Variants in OSBPL1A observed in about 807,000 individuals in gnomAD.
The protein encoded by OSBPL1A is oxysterol-binding protein-related protein 1.
Under a neutral mutation model 137.1 loss-of-function variants are expected in OSBPL1A, and 80 were observed. That is an observed-to-expected ratio of 0.58 (90% CI 0.49 to 0.70). The LOEUF (loss-of-function observed/expected upper bound fraction) is 0.70, where lower values mean the gene tolerates loss of function less well. Ranked by LOEUF, OSBPL1A falls within the 30% of genes least tolerant of loss-of-function variation. The probability of loss-of-function intolerance (pLI) is 0.00; values close to 1 mark genes in which losing one functional copy is unlikely to be tolerated. For missense variants in OSBPL1A, 970 were observed against 1,129.4 expected, an observed-to-expected ratio of 0.86 and a Z score of 2.02; for synonymous variants, 365 against 389.7, an observed-to-expected ratio of 0.94 and a Z score of 0.75.
chr18:24,195,709 C>T (rs1225024533), intron 18 of OSBPL1A, among the ~76,000 whole-genome samples: 3 of 152,180 alleles, frequency 2.0e-5, no homozygotes. Flanking sequence ...GATAACTAAG[C>T]AGAGACATAT....
Position 24,163,125 on chromosome 18 carries a change from C to A in OSBPL1A, c.*54G>T. The A allele has an allele frequency of 7.5e-7, 1 of 1,331,958 alleles. No homozygotes were observed. The highest frequency in any genetic ancestry group is 1.0e-6 in the Non-Finnish European group (1 of 958,432). The allele number at this position is 1,331,958 out of a possible 1,614,324, so 82.5% of individuals were successfully genotyped here. ...AAACCAAGGGAAAAAAATTTAAAAA[C>A]ATAGGTTTAAGACTTATTTGTAGAT... On this transcript the variant is annotated 3_prime_UTR_variant, in exon 28 of 28. Transcript: ENST00000319481.
chr18:24,389,944 AAAAATAAAAT>A (rs563541918), intron 1 of OSBPL1A, among the ~76,000 whole-genome samples: 3 of 152,152 alleles, frequency 2.0e-5, no homozygotes, highest in Admixed American at 6.5e-5. Context: ...TCTGTCTCAA[AAAAATAAAAT>A]AAAATAAAAT....
chr18:24,228,299 A>AC (rs1423613343), intron 16 of OSBPL1A, among the ~76,000 whole-genome samples: 1 of 56,074 alleles, frequency 1.8e-5, no homozygotes, highest in Non-Finnish European at 3.5e-5. Flanking sequence ...CCCTCCCCTC[A>AC]CCCCCCTCCT....
intron 5 of OSBPL1A, among the ~76,000 whole-genome samples, chr18:24,338,302 G>C (rs945758818): frequency 1.3e-5 from 2 of 150,756 alleles, no homozygotes; most frequent in Non-Finnish European, 2.9e-5. Context: ...GGATGGTCTC[G>C]ATCTCCTGAC....
At chr18:24,345,172 G>A (rs1056633293) in intron 4 of OSBPL1A, among the ~76,000 whole-genome samples, 6 of 151,964 alleles carry the variant, frequency 3.9e-5, no homozygotes, top group African/African-American at 1.2e-4. Context: ...ATAATGAAGG[G>A]TAAGGGGGAA....
intron 13 of OSBPL1A, among the ~76,000 whole-genome samples, chr18:24,306,779 C>A (rs1269695761): frequency 1.3e-5 from 2 of 152,158 alleles, no homozygotes; most frequent in Non-Finnish European, 2.9e-5. Context: ...AAATTGAAGA[C>A]ATAAAGTGAA....
At chr18:24,174,229 C>T (rs1320390272) in intron 21 of OSBPL1A, among the ~76,000 whole-genome samples, 7 of 152,136 alleles carry the variant, frequency 4.6e-5, no homozygotes, top group Admixed American at 4.6e-4. Context: ...GTTTCCATTT[C>T]TCTAAGGCAA....
At chr18:24,250,675 A>G (rs984778205) in intron 15 of OSBPL1A, among the ~76,000 whole-genome samples, 3 of 152,186 alleles carry the variant, frequency 2.0e-5, no homozygotes, top group Non-Finnish European at 4.4e-5. Flanking sequence ...CACCCAACAC[A>G]TTACCAGCTG....
intron 11 of OSBPL1A, among the ~76,000 whole-genome samples, chr18:24,314,916 C>T (rs1055535620): frequency 6.6e-6 from 1 of 152,144 alleles, no homozygotes; most frequent in African/African-American, 2.4e-5. Flanking sequence ...ATATAAATAA[C>T]TCCCACAAGC....
At chr18:24,318,894 CT>C in intron 7 of OSBPL1A, 85 bp from the exon 8 acceptor site, 1 of 1,083,742 alleles carries the variant, frequency 9.2e-7, no homozygotes, top group Non-Finnish European at 1.4e-6. Context: ...TCTAATAGTC[CT>C]TCATTTTTCT....
chr18:24,385,586 G>A lies in OSBPL1A; in HGVS notation c.-2-8051C>T, dbSNP rs148252843. 1.1e-3 allele frequency among the ~76,000 whole-genome samples: 175 copies of A among 152,238 alleles called. 2 individuals carry two copies. In the East Asian group the frequency reaches 0.033, roughly 29 times the overall value. ...GGGGACACAGAAGAGGGTGGCAGCA[G>A]CTGAAACCAAGGGAGGAATGTGTTT... On this transcript the variant is annotated intron_variant, in intron 1 of 27. Transcript: ENST00000319481.
chr18:24,197,225 T>C (rs2087060157), intron 17 of OSBPL1A, among the ~76,000 whole-genome samples: 1 of 152,060 alleles, frequency 6.6e-6, no homozygotes, highest in African/African-American at 2.4e-5. Context: ...TGCACGCCTG[T>C]AATCCCAGCT....
At chr18:24,366,207 A>C (rs971749077) in intron 4 of OSBPL1A, among the ~76,000 whole-genome samples, 4 of 152,172 alleles carry the variant, frequency 2.6e-5, no homozygotes, top group African/African-American at 9.6e-5. Flanking sequence ...CAAGGCATGG[A>C]GGAAGGGCAC....
At chr18:24,217,468 A>T (rs1202994939) in intron 17 of OSBPL1A, among the ~76,000 whole-genome samples, 1 of 151,884 alleles carries the variant, frequency 6.6e-6, no homozygotes, top group Non-Finnish European at 1.5e-5. Flanking sequence ...ATGTTGGCCA[A>T]CTGGTCTTGA....
chr18:24,249,629 T>C (rs1011174965), intron 15 of OSBPL1A, among the ~76,000 whole-genome samples: 5 of 152,142 alleles, frequency 3.3e-5, no homozygotes, highest in African/African-American at 1.2e-4. Context: ...GGACATTACA[T>C]TGAACTCATT....
chr18:24,334,105 C>G, intron 6 of OSBPL1A, 140 bp downstream of exon 6: 1 of 553,342 alleles, frequency 1.8e-6, no homozygotes, highest in Middle Eastern at 4.8e-4. Context: ...ATATTAAGAA[C>G]TTTGGTTCTA....
intron 15 of OSBPL1A, among the ~76,000 whole-genome samples, chr18:24,272,910 A>T (rs275871): frequency 1.1e-3 from 161 of 151,836 alleles, no homozygotes; most frequent in African/African-American, 2.7e-3. Context: ...TTAATTAATT[A>T]ATTTATTTAT....
intron 17 of OSBPL1A, among the ~76,000 whole-genome samples, chr18:24,221,524 T>TA (rs1279442843): frequency 1.3e-5 from 2 of 152,266 alleles, no homozygotes; most frequent in East Asian, 3.8e-4. Context: ...AATCCTTCCC[T>TA]ATCTTAAACT....
chr18:24,318,615 C>T lies in OSBPL1A; in HGVS notation c.718G>A (p.Gly240Ser). 1 of 1,609,794 alleles carries T rather than the reference C, an allele frequency of 6.2e-7. No individual in the cohort carries two copies. Among genetic ancestry groups the T allele is most frequent in the Non-Finnish European group, 8.5e-7 (1 of 1,179,100 alleles). ...CCTCAACTTACCTTCCAGAGAGGGC[C>T]CTCATATCGTTTCAATGCTTTGTAG... ...VIYKALKRYE[G>S]PLWKSSRFFG... Residue 240 changes from glycine (G) to serine (S), a missense_variant, in exon 9 of 28, where the codon GGC (glycine) becomes AGC (serine). Gly to Ser is a moderately conservative substitution (Grantham distance 56). This residue lies in a region of OSBPL1A where 647 missense variants were observed against 672.6 expected (regional missense o/e 0.96). Transcript: ENST00000319481.
Sources: gnomAD v4.1 joint callset for allele counts (sites outside exome capture counted in the v4.1 genomes callset) on GRCh38, gnomAD v4.1.1 for gene constraint, gnomAD v4.1.1 regional missense constraint, MANE v1.5 for transcripts, NCBI Gene and HGNC (gene_info 2026-07-23, HGNC 2026-07-21) for gene names.